TAF4: variants seen among roughly 807,000 people sequenced by gnomAD.
TAF4 encodes transcription initiation factor TFIID subunit 4.
In TAF4, 9 loss-of-function variants were observed where a neutral mutation model predicts 90.3. That is an observed-to-expected ratio of 0.10 (90% CI 0.06 to 0.17). TAF4 has a LOEUF of 0.17. Ranked by LOEUF, TAF4 falls within the 10% of genes least tolerant of loss-of-function variation. The pLI, the probability that TAF4 is intolerant of heterozygous loss-of-function variation, is 1.00. For missense variants in TAF4, 1,351 were observed against 1,370.7 expected, an observed-to-expected ratio of 0.99 and a Z score of 0.23; for synonymous variants, 818 against 638.9, an observed-to-expected ratio of 1.28 and a Z score of -4.23.
chr20:62,027,174 G>A (rs921664360), intron 1 of TAF4, among the ~76,000 whole-genome samples: 12 of 152,220 alleles, frequency 7.9e-5, no homozygotes, highest in African/African-American at 2.2e-4. Context: ...ATGGCCAGAT[G>A]TGGCTCTCAG....
chr20:62,018,652 C>T (rs1166080149), intron 1 of TAF4, among the ~76,000 whole-genome samples: 5 of 152,188 alleles, frequency 3.3e-5, no homozygotes, highest in African/African-American at 9.6e-5. Context: ...GGACACTGGC[C>T]GTGTCCCCAC....
At position 62,059,748 on chromosome 20, in the gene TAF4, T is replaced by A. The variant is rs146300414; in HGVS notation, c.1360+4703A>T. Among the ~76,000 whole-genome samples, 44 of 152,354 alleles carry A rather than the reference T, an allele frequency of 2.9e-4. 1 individual carries two copies. The South Asian group carries it at 9.1e-3, about 32-fold the overall frequency. On this transcript the variant is annotated intron_variant, in intron 1 of 14. Transcript: ENST00000252996. ...TGATCGAGGGCTTGGAGGTTCCTAC[T>A]GAGCACCATGAAGAAGAAAAGCAAA... is the stretch of plus-strand genomic sequence containing the variant.
At chr20:62,064,211 A>G (rs1048074876) in intron 1 of TAF4, 1 of 410,350 alleles carries the variant, frequency 2.4e-6, no homozygotes, top group African/African-American at 2.1e-5. Flanking sequence ...AGGCACAGGC[A>G]GCCAGCGCGG....
intron 1 of TAF4, among the ~76,000 whole-genome samples, chr20:62,056,008 A>G (rs2056061649): frequency 6.6e-6 from 1 of 152,194 alleles, no homozygotes; most frequent in Non-Finnish European, 1.5e-5. Flanking sequence ...AGGCAGAGGC[A>G]GGCGGAGCAC....
chr20:61,991,091 G>A (rs1257372595), intron 14 of TAF4, among the ~76,000 whole-genome samples: 1 of 152,020 alleles, frequency 6.6e-6, no homozygotes, highest in East Asian at 1.9e-4. Flanking sequence ...AGAAATGGAA[G>A]CCAAAAAGGA....
At chr20:62,037,216 T>C (rs1387344163) in intron 1 of TAF4, among the ~76,000 whole-genome samples, 5 of 152,022 alleles carry the variant, frequency 3.3e-5, no homozygotes, top group South Asian at 4.2e-4. Context: ...AGGCAAAATG[T>C]CCCTTCTCAA....
Position 62,065,486 on chromosome 20 carries a change from AG to A in TAF4, c.324del (p.Ser109HisfsTer18), listed in dbSNP as rs1336167034. On this transcript the variant is annotated frameshift_variant, in exon 1 of 15. Coordinates refer to ENST00000252996, the MANE Select transcript of TAF4 (RefSeq NM_003185.4). LOFTEE classifies it high-confidence loss of function. ...GCGGGGACAAGGGGGCGGCGCGGTG[AG>A]GGGGGGCCCGGGCGCTGCGGCCCCC... The part of the protein sequence containing the change: ...GGGGPQRPGP[P>X]SPRRPLVPAG... 17 of 962,482 alleles carry A rather than the reference AG, an allele frequency of 1.8e-5. No homozygotes were observed. The highest frequency in any genetic ancestry group is 1.2e-4 in the East Asian group (1 of 8,002). The allele number at this position is 962,482 out of a possible 1,614,324, so 59.6% of individuals were successfully genotyped here. A position where few individuals can be genotyped will look rare whatever the true frequency, so the allele number is the denominator to read the frequency against.
chr20:62,034,751 G>T (rs1035897967), intron 1 of TAF4, among the ~76,000 whole-genome samples: 2 of 151,802 alleles, frequency 1.3e-5, no homozygotes, highest in African/African-American at 4.8e-5. Context: ...CATAAAACTT[G>T]ATTGAAAAAT....
At position 62,010,841 on chromosome 20, in the gene TAF4, C is replaced by T. The variant is rs2055774088; in HGVS notation, c.1642-676G>A. 6.6e-6 allele frequency among the ~76,000 whole-genome samples: 1 copy of T among 152,258 alleles called. No homozygotes were observed. Among genetic ancestry groups the T allele is most frequent in the Admixed American group, 6.5e-5 (1 of 15,292 alleles). ...AGACGCCAAAAGGTAGCTCAGACAA[C>T]TCAGTGGCCTGTACTCGATTCCTAA... is the stretch of plus-strand genomic sequence containing the variant. On this transcript the variant is annotated intron_variant, in intron 3 of 14. Transcript: ENST00000252996. This position sits in a 1 kb window ranked among gnomAD's most constrained non-coding sequence, Gnocchi z 4.5.
chr20:62,038,292 G>T (rs1421827658), intron 1 of TAF4, among the ~76,000 whole-genome samples: 6 of 152,052 alleles, frequency 3.9e-5, no homozygotes, highest in Admixed American at 3.9e-4. Context: ...CTCCCAAAGT[G>T]CTGGGACTAC....
rs1040302445 is a variant in TAF4, at chr20:62,064,876, G to A, written c.935C>T (p.Ala312Val). The change falls in exon 1 of 15, where the codon GCC becomes GTC. Residue 312 changes from alanine to valine, a missense_variant. Coordinates refer to ENST00000252996, the MANE Select transcript of TAF4 (RefSeq NM_003185.4). Reference sequence around the variant, plus strand: ...CCCGGCGGCCGGGGCGGGGGCGGGGGCTGCCCCGGCGCTGCCCCCGTTCTG... The same window carrying A: ...CCCGGCGGCCGGGGCGGGGGCGGGGACTGCCCCGGCGCTGCCCCCGTTCTG... ...AAQNGGSAGAAPAPAPAAGGP... is the reference protein window; with the variant it reads ...AAQNGGSAGAVPAPAPAAGGP... The A allele has an allele frequency of 6.6e-6, 6 of 915,928 alleles. No individual in the cohort carries two copies. In the South Asian group the frequency reaches 1.5e-4, roughly 23 times the overall value. The allele number at this position is 915,928 out of a possible 1,614,324, so 56.7% of individuals were successfully genotyped here.
chr20:62,045,688 T>C (rs1305383203), intron 1 of TAF4, among the ~76,000 whole-genome samples: 2 of 152,196 alleles, frequency 1.3e-5, no homozygotes, highest in Non-Finnish European at 2.9e-5. Context: ...CTACATAAGC[T>C]ATTGCCACAC....
At chr20:61,976,969 G>A (rs1051676373) in intron 14 of TAF4, among the ~76,000 whole-genome samples, 35 of 152,244 alleles carry the variant, frequency 2.3e-4, no homozygotes, top group Non-Finnish European at 3.4e-4. Flanking sequence ...TAGCTGCTGC[G>A]TGCCAGCTCC....
chr20:61,992,577 G>A (rs1379872949), intron 14 of TAF4, among the ~76,000 whole-genome samples: 1 of 151,136 alleles, frequency 6.6e-6, no homozygotes, highest in African/African-American at 2.4e-5. Context: ...TACCTGAATT[G>A]GAAATACCCA....
At chr20:62,033,771 G>A (rs1373956184) in intron 1 of TAF4, among the ~76,000 whole-genome samples, 1 of 151,152 alleles carries the variant, frequency 6.6e-6, no homozygotes, top group East Asian at 1.9e-4. Context: ...GGCCAGGTGA[G>A]GTGGCTCACG....
rs547006107 is a variant in TAF4 at position 62,021,379 on chromosome 20, G to A, written c.1361-6672C>T. Among the ~76,000 whole-genome samples the A allele has an allele frequency of 4.6e-5, 7 of 152,390 alleles. No homozygotes were observed. The East Asian group carries it at 9.6e-4, about 21-fold the overall frequency. On this transcript the variant is annotated intron_variant, in intron 1 of 14. Transcript: ENST00000252996. ...ACAGGCATGGCCAGGCACAGGGTCC[G>A]GAGGGCCAGGGCGCTGGGGCTGGCC... is the stretch of plus-strand genomic sequence containing the variant.
intron 1 of TAF4, among the ~76,000 whole-genome samples, chr20:62,044,928 C>G (rs948747337): frequency 6.6e-6 from 1 of 152,112 alleles, no homozygotes; most frequent in African/African-American, 2.4e-5. Flanking sequence ...CAGGATGGAG[C>G]GAAGGCCAGG....
intron 14 of TAF4, among the ~76,000 whole-genome samples, chr20:61,996,633 T>G (rs1162681344): frequency 6.6e-6 from 1 of 150,516 alleles, no homozygotes; most frequent in Admixed American, 6.6e-5. Context: ...ACCCCGTCTC[T>G]CCTAAAAATA....
At chr20:61,977,718 C>T (rs74613582) in intron 14 of TAF4, among the ~76,000 whole-genome samples, 1 of 152,190 alleles carries the variant, frequency 6.6e-6, no homozygotes, top group Non-Finnish European at 1.5e-5. Context: ...GAAGCCTCCG[C>T]ACTCCACACT....
Sources: gnomAD v4.1 joint callset for allele counts (sites outside exome capture counted in the v4.1 genomes callset) on GRCh38, gnomAD v4.1.1 for gene constraint, Gnocchi (gnomAD v3.1) non-coding constraint, MANE v1.5 for transcripts, NCBI Gene and HGNC (gene_info 2026-07-23, HGNC 2026-07-21) for gene names.